Variants in NLRP11 observed in about 807,000 individuals in gnomAD.
The protein encoded by NLRP11 is NLR family pyrin domain containing 11, also known as NACHT, LRR and PYD domains-containing protein 11.
NLRP11 carries 53 observed loss-of-function variants against 79.3 expected under a neutral mutation model. That is an observed-to-expected ratio of 0.67 (90% CI 0.54 to 0.84). The LOEUF is 0.84. Ranked by LOEUF, NLRP11 falls within the 40% of genes least tolerant of loss-of-function variation. The pLI is 0.00. For missense variants in NLRP11, 1,264 were observed against 1,255.0 expected (o/e 1.01, Z -0.11); for synonymous variants, 518 against 462.6 (o/e 1.12, Z -1.54).
intron 9 of NLRP11, among the ~76,000 whole-genome samples, chr19:55,787,346 G>T (rs886754138): frequency 6.6e-6 from 1 of 152,092 alleles, no homozygotes; most frequent in Non-Finnish European, 1.5e-5. Context: ...CCTGTGATTT[G>T]CTTCCTTTGA....
chr19:55,828,464 A>G (rs1261128678), intron 1 of NLRP11, among the ~76,000 whole-genome samples: 3 of 152,214 alleles, frequency 2.0e-5, no homozygotes, highest in Non-Finnish European at 4.4e-5. Context: ...AATGATGTCA[A>G]TTAAAGTAGA....
chr19:55,796,371 T>C (rs1255072965), intron 5 of NLRP11, 121 bp from the exon 6 acceptor site: 6 of 784,358 alleles, frequency 7.6e-6, no homozygotes, highest in Middle Eastern at 3.7e-4. Flanking sequence ...TGGAAATAAA[T>C]AGATCCCTTT....
At chr19:55,790,288 T>G (rs1454248765) in intron 7 of NLRP11, among the ~76,000 whole-genome samples, 2 of 152,214 alleles carry the variant, frequency 1.3e-5, no homozygotes, top group Non-Finnish European at 2.9e-5. Context: ...GATAATAGTT[T>G]AGGCTTCACC....
Position 55,809,742 on chromosome 19 carries a change from T to G in NLRP11, c.868A>C (p.Lys290Gln). Residue 290 changes from lysine to glutamine, a missense_variant, in exon 3 of 10, where the codon AAA becomes CAA. Physicochemically the swap from Lys to Gln is moderately conservative, Grantham distance 53. Transcript: ENST00000589093. This position sits in a 1 kb window ranked among gnomAD's most constrained non-coding sequence, Gnocchi z 4.5. ...AAGGTCGTGCAGCAATCTACCTCTTTCAAGAACGTTTTTACATTATTCCCA... is the reference window on the plus strand; with the variant it reads ...AAGGTCGTGCAGCAATCTACCTCTTGCAAGAACGTTTTTACATTATTCCCA... 1 of 1,614,164 alleles carries G rather than the reference T, an allele frequency of 6.2e-7. No homozygotes were observed. The highest frequency in any genetic ancestry group is 8.5e-7 in the Non-Finnish European group (1 of 1,180,034).
At chr19:55,813,225 G>C (rs1401827402) in intron 2 of NLRP11, among the ~76,000 whole-genome samples, 1 of 152,156 alleles carries the variant, frequency 6.6e-6, no homozygotes, top group African/African-American at 2.4e-5. Flanking sequence ...CTACTCGGGA[G>C]GCTGAGACAG....
chr19:55,836,356 C>G (rs947355882), upstream of NLRP11: 2 of 152,134 alleles, frequency 1.3e-5, no homozygotes, highest in Non-Finnish European at 2.9e-5. Flanking sequence ...AAATATCCCC[C>G]GCTCTATACG....
At chr19:55,831,370 T>C (rs1269772870) in intron 1 of NLRP11, among the ~76,000 whole-genome samples, 1 of 151,508 alleles carries the variant, frequency 6.6e-6, no homozygotes, top group Non-Finnish European at 1.5e-5. Flanking sequence ...GAGACCAGCC[T>C]AGACAACATG....
intron 6 of NLRP11, 81 bp from the exon 7 acceptor site, chr19:55,792,552 G>A (rs1204360112): frequency 7.2e-6 from 8 of 1,110,354 alleles, no homozygotes; most frequent in South Asian, 1.3e-5. Flanking sequence ...CCACGCCCAC[G>A]GGCGCCTCGA....
rs1353182498 is a variant in NLRP11 at position 55,821,203 on chromosome 19, TCTCACACACACACACA to T, written c.-62-2983_-62-2968del. Among the ~76,000 whole-genome samples the T allele has an allele frequency of 2.0e-4, 23 of 113,270 alleles. No homozygotes were observed. In the East Asian group the frequency reaches 3.9e-3, roughly 19 times the overall value. 74.3% of individuals were successfully genotyped at this position (113,270 alleles called of 152,430 possible). On this transcript the variant is annotated intron_variant, in intron 1 of 9. Coordinates refer to ENST00000589093, the Ensembl canonical transcript of NLRP11. Reference sequence around the variant, plus strand: ...CTATGTGACCAGCTCTCTCTCTCTCTCTCACACACACACACACACACACACACACACACACACACAC... The same window carrying T: ...CTATGTGACCAGCTCTCTCTCTCTCTCACACACACACACACACACACACAC...
intron 5 of NLRP11, chr19:55,801,317 C>A: frequency 2.3e-6 from 1 of 434,362 alleles, no homozygotes; most frequent in Admixed American, 3.6e-5. Flanking sequence ...TCAGAATGAC[C>A]AGAGGAATTA....
At chr19:55,812,926 C>T (rs1354629921) in intron 2 of NLRP11, among the ~76,000 whole-genome samples, 1 of 152,174 alleles carries the variant, frequency 6.6e-6, no homozygotes, top group Non-Finnish European at 1.5e-5. Flanking sequence ...TAATAATGTG[C>T]ATTTTCCACT....
intron 1 of NLRP11, among the ~76,000 whole-genome samples, chr19:55,819,209 C>A (rs1202031438): frequency 6.7e-6 from 1 of 149,998 alleles, no homozygotes; most frequent in Admixed American, 6.6e-5. Context: ...TTCAATTCTA[C>A]CCCACCTCTG....
chr19:55,823,152 C>A (rs1437226227), intron 1 of NLRP11, among the ~76,000 whole-genome samples: 9 of 146,620 alleles, frequency 6.1e-5, no homozygotes, highest in Non-Finnish European at 7.4e-5. Flanking sequence ...AGCAGGAGCA[C>A]ACTGACACCT....
At chr19:55,818,493 T>C (rs564964140) in intron 1 of NLRP11, among the ~76,000 whole-genome samples, 2 of 152,314 alleles carry the variant, frequency 1.3e-5, no homozygotes, top group Non-Finnish European at 2.9e-5. Context: ...GATTAGCAAA[T>C]AGCATATAGG....
upstream of NLRP11, among the ~76,000 whole-genome samples, chr19:55,832,299 C>CAAT (rs1404762477): frequency 6.6e-6 from 1 of 152,116 alleles, no homozygotes; most frequent in Non-Finnish European, 1.5e-5. Flanking sequence ...AGTTTTCCAC[C>CAAT]AATAATCTCA....
chr19:55,794,912 C>T (rs116594134), intron 6 of NLRP11, among the ~76,000 whole-genome samples: 1,670 of 152,164 alleles, frequency 0.011, 38 homozygotes, highest in African/African-American at 0.038. Flanking sequence ...GTTTTGGAAT[C>T]TAGCAAGTCC....
intron 5 of NLRP11, chr19:55,798,484 G>T: frequency 4.4e-6 from 1 of 226,648 alleles, no homozygotes; most frequent in Non-Finnish European, 7.4e-6. Context: ...ACATAGAGGG[G>T]AACAATACAC....
intron 2 of NLRP11, among the ~76,000 whole-genome samples, chr19:55,811,902 T>C (rs1980637208): frequency 6.6e-6 from 1 of 151,982 alleles, no homozygotes. Context: ...ACAAATATAT[T>C]CTCCCAATCC....
chr19:55,833,636 C>T (rs963208718), upstream of NLRP11, among the ~76,000 whole-genome samples: 7 of 151,366 alleles, frequency 4.6e-5, no homozygotes, highest in African/African-American at 1.2e-4. Context: ...GGTGTGGTGG[C>T]GGGCGCCTGT....
Sources: gnomAD v4.1 joint callset for allele counts (sites outside exome capture counted in the v4.1 genomes callset) on GRCh38, gnomAD v4.1.1 for gene constraint, Gnocchi (gnomAD v3.1) non-coding constraint, MANE v1.5 for transcripts, NCBI Gene and HGNC (gene_info 2026-07-23, HGNC 2026-07-21) for gene names.